The following RAP1GDS1 variants were observed in gnomAD, a reference collection of about 807,000 sequenced individuals.
RAP1GDS1 encodes the protein Rap1 GTPase-GDP dissociation stimulator 1, also known as RAP1, GTP-GDP dissociation stimulator 1.
RAP1GDS1 carries 35 observed loss-of-function variants against 71.1 expected under a neutral mutation model. The ratio of observed to expected loss-of-function variants is 0.49; its 90% CI spans 0.38 to 0.65. RAP1GDS1 has a LOEUF of 0.65. Ranked by LOEUF, RAP1GDS1 falls within the 30% of genes least tolerant of loss-of-function variation. The pLI, the probability that RAP1GDS1 is intolerant of heterozygous loss-of-function variation, is 0.00. For synonymous variants in RAP1GDS1, 229 were observed against 243.1 expected, an observed-to-expected ratio of 0.94 and a Z score of 0.54; for missense variants, 663 against 706.1, an observed-to-expected ratio of 0.94 and a Z score of 0.69.
At chr4:98,317,092 ATAT>A (rs1489631531) in intron 2 of RAP1GDS1, among the ~76,000 whole-genome samples, 1 of 151,920 alleles carries the variant, frequency 6.6e-6, no homozygotes, top group Non-Finnish European at 1.5e-5. Flanking sequence ...GGTTTGACTA[ATAT>A]TATTTCCCTC....
chr4:98,325,688 C>A lies in RAP1GDS1; in HGVS notation c.113-17451C>A, dbSNP rs1314172506. On this transcript the variant is annotated intron_variant, in intron 2 of 14. Coordinates refer to ENST00000408927, the MANE Select transcript of RAP1GDS1 (RefSeq NM_001100427.2). ...ATCGCAAGAACAAAAAACCAAACAC[C>A]GAATATTCTCACTCATAGGTGGGAA... is the stretch of plus-strand genomic sequence containing the variant. Among the ~76,000 whole-genome samples the A allele has an allele frequency of 1.2e-4, 17 of 146,424 alleles. No homozygotes were observed. In the Admixed American group the frequency reaches 1.2e-3, roughly 10 times the overall value.
chr4:98,437,295 A>G (rs1160129545), intron 14 of RAP1GDS1, among the ~76,000 whole-genome samples: 2 of 152,186 alleles, frequency 1.3e-5, no homozygotes, highest in African/African-American at 4.8e-5. Context: ...CTACATTGGT[A>G]TTTTCTAGCC....
intron 5 of RAP1GDS1, among the ~76,000 whole-genome samples, chr4:98,386,438 G>A (rs1742767080): frequency 6.6e-6 from 1 of 151,764 alleles, no homozygotes; most frequent in African/African-American, 2.4e-5. Flanking sequence ...TTGCCATGTA[G>A]AGACAATTTT....
At chr4:98,309,306 C>G (rs1729851087) in intron 2 of RAP1GDS1, among the ~76,000 whole-genome samples, 1 of 151,854 alleles carries the variant, frequency 6.6e-6, no homozygotes, top group Admixed American at 6.6e-5. Flanking sequence ...TTGTATGAAT[C>G]TTAATTCACA....
intron 1 of RAP1GDS1, among the ~76,000 whole-genome samples, chr4:98,291,666 A>G (rs1726948420): frequency 6.6e-6 from 1 of 152,144 alleles, no homozygotes; most frequent in Non-Finnish European, 1.5e-5. Flanking sequence ...TCACAATGGG[A>G]TTACTAGTAA....
chr4:98,383,618 A>G (rs1458895205), intron 5 of RAP1GDS1, among the ~76,000 whole-genome samples: 1 of 151,478 alleles, frequency 6.6e-6, no homozygotes, highest in African/African-American at 2.4e-5. Flanking sequence ...GTAATTTAGG[A>G]AGTGTAACAC....
intron 1 of RAP1GDS1, among the ~76,000 whole-genome samples, chr4:98,273,253 G>A (rs968145575): frequency 1.1e-4 from 17 of 152,078 alleles, no homozygotes; most frequent in African/African-American, 1.9e-4. Flanking sequence ...AAAATCACTC[G>A]TAAAGAGAAC....
chr4:98,353,326 A>G (rs1323045786), intron 4 of RAP1GDS1, among the ~76,000 whole-genome samples: 1 of 152,194 alleles, frequency 6.6e-6, no homozygotes, highest in Non-Finnish European at 1.5e-5. Context: ...ATTCACCTGT[A>G]ATGCCTCCTA....
At chr4:98,282,375 A>G (rs1725245650) in intron 1 of RAP1GDS1, among the ~76,000 whole-genome samples, 1 of 152,166 alleles carries the variant, frequency 6.6e-6, no homozygotes, top group African/African-American at 2.4e-5. Flanking sequence ...CATTTCTTCT[A>G]GATTTTCTAG....
At chr4:98,346,804 A>G (rs1736373776) in intron 3 of RAP1GDS1, among the ~76,000 whole-genome samples, 2 of 152,194 alleles carry the variant, frequency 1.3e-5, no homozygotes, top group Admixed American at 6.5e-5. Flanking sequence ...TTGGTCTCCC[A>G]AAGTGCTGGG....
chr4:98,354,819 A>G (rs1473042432), intron 4 of RAP1GDS1, among the ~76,000 whole-genome samples: 1 of 152,160 alleles, frequency 6.6e-6, no homozygotes, highest in Non-Finnish European at 1.5e-5. Flanking sequence ...CCATATTTTT[A>G]TACTTTTAAA....
At chr4:98,304,033 T>G (rs1449822390) in intron 2 of RAP1GDS1, among the ~76,000 whole-genome samples, 2 of 152,216 alleles carry the variant, frequency 1.3e-5, no homozygotes, top group African/African-American at 4.8e-5. Context: ...GGACATGATC[T>G]AATTCCTTTT....
At chr4:98,395,083 T>G (rs1744316430) in intron 6 of RAP1GDS1, among the ~76,000 whole-genome samples, 1 of 152,140 alleles carries the variant, frequency 6.6e-6, no homozygotes, top group African/African-American at 2.4e-5. Context: ...CATAAATCAT[T>G]TGGAAGGCAG....
At chr4:98,417,255 A>G (rs1366627013) in intron 8 of RAP1GDS1, 112 bp from the exon 9 acceptor site, 7 of 1,038,288 alleles carry the variant, frequency 6.7e-6, no homozygotes, top group South Asian at 1.6e-5. Flanking sequence ...CCCATTATGA[A>G]TGTAACAGTT....
At chr4:98,338,147 T>A (rs1425918633) in intron 2 of RAP1GDS1, among the ~76,000 whole-genome samples, 6 of 152,144 alleles carry the variant, frequency 3.9e-5, no homozygotes, top group Non-Finnish European at 7.3e-5. Context: ...AAATGGAATC[T>A]ATGGGACCTA....
rs915833648 is a variant in RAP1GDS1 at position 98,326,534 on chromosome 4, A to G, written c.113-16605A>G. On this transcript the variant is annotated intron_variant, in intron 2 of 14. Coordinates refer to ENST00000408927, the MANE Select transcript of RAP1GDS1 (RefSeq NM_001100427.2). ...GCTTTATTTAAGCCAACATGATTCT[A>G]TTTGGATTTGCTTTCTTTTTCACTA... Among the ~76,000 whole-genome samples, 5 of 152,150 alleles carry G rather than the reference A, an allele frequency of 3.3e-5. No individual in the cohort carries two copies. In the East Asian group the frequency reaches 9.6e-4, roughly 29 times the overall value.
intron 1 of RAP1GDS1, among the ~76,000 whole-genome samples, chr4:98,280,670 A>T (rs1303280973): frequency 6.6e-6 from 1 of 151,532 alleles, no homozygotes; most frequent in East Asian, 1.9e-4. Flanking sequence ...TGTTTTAGTC[A>T]TGAAGTCCTT....
intron 6 of RAP1GDS1, among the ~76,000 whole-genome samples, chr4:98,393,349 C>G (rs1744015186): frequency 6.6e-6 from 1 of 152,170 alleles, no homozygotes; most frequent in Non-Finnish European, 1.5e-5. Flanking sequence ...CTCATCTTCT[C>G]TCTTCATCTG....
chr4:98,269,398 A>G (rs887088959), intron 1 of RAP1GDS1, among the ~76,000 whole-genome samples: 3 of 152,134 alleles, frequency 2.0e-5, no homozygotes, highest in African/African-American at 2.4e-5. Context: ...GAGAAGCTCC[A>G]TAAGATTGGT....
Sources: allele counts gnomAD v4.1 joint callset (sites outside exome capture counted in the v4.1 genomes callset), GRCh38; gene constraint gnomAD v4.1.1; transcripts MANE v1.5; gene names NCBI Gene and HGNC (gene_info 2026-07-23, HGNC 2026-07-21).